Variants in GRM8 observed in about 807,000 individuals in gnomAD.
GRM8 encodes glutamate metabotropic receptor 8.
In GRM8, 47 loss-of-function variants were observed where a neutral mutation model predicts 87.2. The ratio of observed to expected loss-of-function variants is 0.54; its 90% CI spans 0.43 to 0.69. The LOEUF (loss-of-function observed/expected upper bound fraction) is 0.69, where lower values mean the gene tolerates loss of function less well. GRM8 is among the 30% of genes least tolerant of loss of function. GRM8 has a pLI of 0.00. For missense variants in GRM8, 1,019 were observed against 1,139.2 expected (o/e 0.89, Z 1.52); for synonymous variants, 396 against 404.5 (o/e 0.98, Z 0.25).
chr7:126,879,710 A>T (rs772780605), intron 6 of GRM8, among the ~76,000 whole-genome samples: 8 of 152,198 alleles, frequency 5.3e-5, no homozygotes, highest in Non-Finnish European at 1.0e-4. Flanking sequence ...GTTATACTGT[A>T]TTTTCTTCTT....
At chr7:126,460,076 A>G (rs1011690455) in intron 9 of GRM8, among the ~76,000 whole-genome samples, 1 of 151,588 alleles carries the variant, frequency 6.6e-6, no homozygotes, top group Non-Finnish European at 1.5e-5. Flanking sequence ...TGGAGCCTCC[A>G]GAAGATTCCC....
chr7:127,210,421 C>T (rs907162905), intron 2 of GRM8, among the ~76,000 whole-genome samples: 10 of 152,184 alleles, frequency 6.6e-5, no homozygotes, highest in African/African-American at 2.2e-4. Context: ...GAATGTTCCA[C>T]GCCTGTGAAA....
In GRM8 at chr7:126,565,315, AC is replaced by A. The variant is rs149703631; in HGVS notation, c.1495-31429del. ...CTCTAAAGACTCAATTATTAAAAAA[AC>A]AAAACAAAACACTGTTAGAACAAAC... On this transcript the variant is annotated intron_variant, in intron 8 of 10. Coordinates refer to ENST00000339582, the MANE Select transcript of GRM8 (RefSeq NM_000845.3). 6.7e-3 allele frequency among the ~76,000 whole-genome samples: 1,023 copies of A among 152,258 alleles called. 4 individuals are homozygous for A. Among genetic ancestry groups the A allele is most frequent in the Non-Finnish European group, 0.01 (698 of 68,002 alleles).
intron 2 of GRM8, among the ~76,000 whole-genome samples, chr7:127,137,194 CACATACACATGCATAA>C (rs1827988540): frequency 6.6e-6 from 1 of 151,804 alleles, no homozygotes; most frequent in African/African-American, 2.4e-5. Flanking sequence ...GGAGTTTATA[CACATACACATGCATAA>C]ACATACACAT....
intron 7 of GRM8, among the ~76,000 whole-genome samples, chr7:126,735,747 C>T (rs1049955818): frequency 2.0e-5 from 3 of 151,962 alleles, no homozygotes; most frequent in African/African-American, 4.8e-5. Flanking sequence ...CTTTTTTAGA[C>T]GGCACCCACA....
At chr7:126,801,170 C>T (rs1822631709) in intron 6 of GRM8, among the ~76,000 whole-genome samples, 1 of 152,242 alleles carries the variant, frequency 6.6e-6, no homozygotes, top group Admixed American at 6.5e-5. Flanking sequence ...TTTTCACCTA[C>T]TAATGTCCTA....
At chr7:127,143,144 C>T (rs1012450992) in intron 2 of GRM8, among the ~76,000 whole-genome samples, 3 of 152,102 alleles carry the variant, frequency 2.0e-5, no homozygotes, top group African/African-American at 7.2e-5. Flanking sequence ...CTCTGTTTTG[C>T]ATCTTCCCCT....
At chr7:126,898,344 GT>G (rs1257502093) in intron 6 of GRM8, among the ~76,000 whole-genome samples, 1 of 152,086 alleles carries the variant, frequency 6.6e-6, no homozygotes, top group African/African-American at 2.4e-5. Context: ...TGAAAACTGG[GT>G]AAAATGGTAA....
Position 126,835,062 on chromosome 7 carries a change from T to C in GRM8, c.1157-64997A>G, listed in dbSNP as rs201870220. Among the ~76,000 whole-genome samples, 11 of 130,376 alleles carry C rather than the reference T, an allele frequency of 8.4e-5. No individual in the cohort carries two copies. In the East Asian group the frequency reaches 2.1e-3, roughly 25 times the overall value. 85.5% of individuals were successfully genotyped at this position (130,376 alleles called of 152,430 possible). The stretch of plus-strand genomic sequence containing the variant: ...CTGCACTCCAGCCTGGGTGACAGAG[T>C]AAAACTCTATCTCAAAAAAAAAATA... On this transcript the variant is annotated intron_variant, in intron 6 of 10. Coordinates refer to ENST00000339582, the MANE Select transcript of GRM8 (RefSeq NM_000845.3).
At chr7:126,600,887 AC>A (rs1443375480) in intron 8 of GRM8, among the ~76,000 whole-genome samples, 1 of 152,172 alleles carries the variant, frequency 6.6e-6, no homozygotes, top group Non-Finnish European at 1.5e-5. Context: ...AGGAAACAGA[AC>A]AAAGTATTTT....
At chr7:126,606,078 G>A (rs1798314680) in intron 8 of GRM8, among the ~76,000 whole-genome samples, 2 of 152,148 alleles carry the variant, frequency 1.3e-5, no homozygotes, top group Admixed American at 1.3e-4. Flanking sequence ...TGGTAGCACA[G>A]GAAAATAAAT....
At position 126,692,712 on chromosome 7, in the gene GRM8, T is replaced by C. The variant is rs77475286; in HGVS notation, c.1357+77153A>G. On this transcript the variant is annotated intron_variant, in intron 7 of 10. Transcript: ENST00000339582. ...ACACTGTTCTGACTGGAAAAAAAAA[T>C]AAAACACTGCAATTTTTTCTCTTCC... 2.4e-4 allele frequency among the ~76,000 whole-genome samples: 36 copies of C among 152,154 alleles called. 1 individual carries two copies. The East Asian group carries it at 4.6e-3, about 20-fold the overall frequency.
At chr7:127,040,464 A>G (rs2132393792) in intron 3 of GRM8, among the ~76,000 whole-genome samples, 1 of 152,284 alleles carries the variant, frequency 6.6e-6, no homozygotes, top group Middle Eastern at 3.4e-3. Context: ...ATGTGAAACT[A>G]CAGAATCATC....
chr7:126,506,130 T>A (rs1810429244), intron 9 of GRM8, among the ~76,000 whole-genome samples: 1 of 152,114 alleles, frequency 6.6e-6, no homozygotes, highest in African/African-American at 2.4e-5. Context: ...TAGCATAGTA[T>A]CCTCCAGGTT....
At chr7:126,872,436 T>C (rs908853420) in intron 6 of GRM8, among the ~76,000 whole-genome samples, 1 of 151,974 alleles carries the variant, frequency 6.6e-6, no homozygotes, top group African/African-American at 2.4e-5. Context: ...ATATTAGGAG[T>C]ATTAATTCTT....
At chr7:127,185,052 T>C (rs1794660612) in intron 2 of GRM8, among the ~76,000 whole-genome samples, 1 of 151,994 alleles carries the variant, frequency 6.6e-6, no homozygotes, top group Non-Finnish European at 1.5e-5. Flanking sequence ...CCCAACTTGG[T>C]CTATAAATTC....
chr7:126,611,478 C>T (rs1798905613), intron 7 of GRM8, among the ~76,000 whole-genome samples: 1 of 152,094 alleles, frequency 6.6e-6, no homozygotes, highest in African/African-American at 2.4e-5. Flanking sequence ...GATGGCTAGA[C>T]AAAAGATTAT....
At chr7:127,240,598 G>A (rs1420047364) in intron 2 of GRM8, among the ~76,000 whole-genome samples, 1 of 152,146 alleles carries the variant, frequency 6.6e-6, no homozygotes, top group Non-Finnish European at 1.5e-5. Flanking sequence ...GGTTTATAAG[G>A]AGAGGGAAAC....
chr7:126,729,255 T>C (rs1209382116), intron 7 of GRM8, among the ~76,000 whole-genome samples: 1 of 152,196 alleles, frequency 6.6e-6, no homozygotes, highest in Non-Finnish European at 1.5e-5. Flanking sequence ...GGCTTCACAC[T>C]GCTAGTACCT....
Sources: gnomAD v4.1 joint callset for allele counts (sites outside exome capture counted in the v4.1 genomes callset) on GRCh38, gnomAD v4.1.1 for gene constraint, MANE v1.5 for transcripts, NCBI Gene and HGNC (gene_info 2026-07-23, HGNC 2026-07-21) for gene names.